The following METTL15 variants were observed in gnomAD, a reference collection of about 807,000 sequenced individuals.
The protein encoded by METTL15 is 12S rRNA N(4)-cytidine methyltransferase METTL15.
METTL15 carries 34 observed loss-of-function variants against 38.3 expected under a neutral mutation model. The ratio of observed to expected loss-of-function variants is 0.89; its 90% CI spans 0.68 to 1.18. The LOEUF is 1.18. METTL15 is among the 50% of genes most tolerant of loss of function. The pLI is 0.00. For missense variants in METTL15, 438 were observed against 498.4 expected (o/e 0.88, Z 1.15); for synonymous variants, 162 against 170.9 (o/e 0.95, Z 0.41).
intron 6 of METTL15, among the ~76,000 whole-genome samples, chr11:28,490,615 G>A (rs1272396307): frequency 6.6e-6 from 1 of 152,074 alleles, no homozygotes; most frequent in Non-Finnish European, 1.5e-5. Flanking sequence ...CTCCCCAGGT[G>A]ATTCTTAATG....
chr11:28,379,883 G>A (rs1264033026), intron 5 of METTL15, among the ~76,000 whole-genome samples: 1 of 152,102 alleles, frequency 6.6e-6, no homozygotes, highest in Non-Finnish European at 1.5e-5. Context: ...TTATGTATTT[G>A]GGTGCTCCAG....
At chr11:28,429,771 GC>G (rs1850898598) in intron 6 of METTL15, among the ~76,000 whole-genome samples, 1 of 50,336 alleles carries the variant, frequency 2.0e-5, no homozygotes, top group Admixed American at 2.5e-4. Flanking sequence ...CCTCTGCCCG[GC>G]CGCCACCCCG....
chr11:28,340,629 C>G lies in METTL15; in HGVS notation c.*190-11461C>G, dbSNP rs536269687. On this transcript the variant is annotated intron_variant and NMD_transcript_variant, in intron 3 of 7. Transcript: ENST00000532947. The stretch of plus-strand genomic sequence containing the variant: ...AATCAAGACCACAATGAGATACCAT[C>G]TCACGCCAGCTAGAATGGTGATCAT... 5.3e-5 allele frequency among the ~76,000 whole-genome samples: 8 copies of G among 152,292 alleles called. No individual in the cohort carries two copies. In the South Asian group the frequency reaches 8.3e-4, roughly 16 times the overall value.
chr11:28,384,916 T>C (rs1441458619), intron 5 of METTL15, among the ~76,000 whole-genome samples: 2 of 152,206 alleles, frequency 1.3e-5, no homozygotes, highest in South Asian at 4.1e-4. Context: ...CTTTTTCCCA[T>C]GCTTTCTGGC....
chr11:28,527,386 C>T (rs1851819541), downstream of METTL15, among the ~76,000 whole-genome samples: 1 of 152,146 alleles, frequency 6.6e-6, no homozygotes, highest in South Asian at 2.1e-4. Flanking sequence ...AGTTTGTTAG[C>T]TACTTTGTAA....
intron 6 of METTL15, among the ~76,000 whole-genome samples, chr11:28,493,643 C>T (rs1390923815): frequency 2.0e-5 from 3 of 152,142 alleles, no homozygotes; most frequent in African/African-American, 7.2e-5. Context: ...GCTGTTCCCT[C>T]CAAATACAAC....
chr11:28,415,170 CA>C (rs1850762300), intron 5 of METTL15, among the ~76,000 whole-genome samples: 1 of 152,132 alleles, frequency 6.6e-6, no homozygotes, highest in Non-Finnish European at 1.5e-5. Context: ...CTTTAAATAG[CA>C]AGCAAGGGAG....
chr11:28,446,898 C>G (rs936125423), intron 6 of METTL15, among the ~76,000 whole-genome samples: 2 of 151,946 alleles, frequency 1.3e-5, no homozygotes, highest in Admixed American at 6.6e-5. Flanking sequence ...AGATATTTTT[C>G]TATAGAAATA....
At chr11:28,493,981 G>C (rs1414139572) in intron 6 of METTL15, among the ~76,000 whole-genome samples, 1 of 152,212 alleles carries the variant, frequency 6.6e-6, no homozygotes, top group African/African-American at 2.4e-5. Flanking sequence ...AATTACACTG[G>C]CATGATATAG....
chr11:28,227,292 C>A (rs1853521175), intron 4 of METTL15, among the ~76,000 whole-genome samples: 1 of 151,816 alleles, frequency 6.6e-6, no homozygotes, highest in Non-Finnish European at 1.5e-5. Context: ...AGAAATTAGA[C>A]AGAAAACAGA....
At chr11:28,284,083 GGTAAGCAAACTTCAATGA>G in intron 4 of METTL15, among the ~76,000 whole-genome samples, 1 of 151,996 alleles carries the variant, frequency 6.6e-6, no homozygotes, top group East Asian at 1.9e-4. Flanking sequence ...TTCAACAGTT[GGTAAGCAAACTTCAATGA>G]TGTTTCCTTT....
chr11:28,457,884 C>T (rs1851182359), intron 6 of METTL15, among the ~76,000 whole-genome samples: 2 of 152,076 alleles, frequency 1.3e-5, no homozygotes, highest in African/African-American at 4.8e-5. Context: ...TGTACTTAGA[C>T]CTAATATCAT....
At chr11:28,366,127 T>C (rs1850183386) in intron 5 of METTL15, among the ~76,000 whole-genome samples, 1 of 152,242 alleles carries the variant, frequency 6.6e-6, no homozygotes, top group East Asian at 1.9e-4. Context: ...CAGTAATTAT[T>C]CCTTTCCACT....
At chr11:28,344,884 T>C (rs1259994907) in intron 3 of METTL15, among the ~76,000 whole-genome samples, 2 of 152,228 alleles carry the variant, frequency 1.3e-5, no homozygotes, top group African/African-American at 2.4e-5. Flanking sequence ...TTGAGGAAAG[T>C]AAAATGAAAC....
intron 3 of METTL15, among the ~76,000 whole-genome samples, chr11:28,165,136 A>G (rs2133750790): frequency 6.6e-6 from 1 of 152,236 alleles, no homozygotes; most frequent in East Asian, 1.9e-4. Flanking sequence ...TTGTGGATAA[A>G]GCTGCAATGA....
chr11:28,126,432 A>G (rs1852490188), intron 3 of METTL15, among the ~76,000 whole-genome samples: 1 of 152,002 alleles, frequency 6.6e-6, no homozygotes, highest in East Asian at 1.9e-4. Context: ...TCTGACTTTT[A>G]CCACTGTATC....
At chr11:28,357,336 T>C (rs1850098932) in intron 4 of METTL15, among the ~76,000 whole-genome samples, 1 of 152,234 alleles carries the variant, frequency 6.6e-6, no homozygotes, top group Non-Finnish European at 1.5e-5. Flanking sequence ...TACATGTGAA[T>C]GTGCTTGATA....
chr11:28,392,377 T>G (rs1850518864), intron 5 of METTL15, among the ~76,000 whole-genome samples: 1 of 152,068 alleles, frequency 6.6e-6, no homozygotes, highest in African/African-American at 2.4e-5. Context: ...AGAATTGGTA[T>G]AAGGACAGAC....
At chr11:28,292,591 G>A (rs1321281800) in intron 5 of METTL15, among the ~76,000 whole-genome samples, 2 of 152,082 alleles carry the variant, frequency 1.3e-5, no homozygotes, top group East Asian at 3.9e-4. Flanking sequence ...AGATGGCTGG[G>A]TCAAATGGTA....
Sources: allele counts gnomAD v4.1 joint callset (sites outside exome capture counted in the v4.1 genomes callset), GRCh38; gene constraint gnomAD v4.1.1; transcripts MANE v1.5; gene names NCBI Gene and HGNC (gene_info 2026-07-23, HGNC 2026-07-21).